HEATR9: variants seen among roughly 807,000 people sequenced by gnomAD.
HEATR9 encodes the protein HEAT repeat containing 9, also known as protein HEATR9.
A neutral mutation model predicts 68.2 loss-of-function variants in HEATR9; 54 were observed. The observed-to-expected ratio is 0.79, with a 90% CI of 0.64 to 0.99. The LOEUF (loss-of-function observed/expected upper bound fraction) is 0.99, where lower values mean the gene tolerates loss of function less well. HEATR9 is among the 50% of genes least tolerant of loss of function. The pLI, the probability that HEATR9 is intolerant of heterozygous loss-of-function variation, is 0.00. For synonymous variants in HEATR9, 241 were observed against 253.5 expected (o/e 0.95, Z 0.47); for missense variants, 662 against 679.7 (o/e 0.97, Z 0.29).
Position 35,855,171 on chromosome 17 carries a change from A to G in HEATR9, c.1605T>C (p.Ala535=), listed in dbSNP as rs1360940649. 4.3e-6 allele frequency: 7 copies of G among 1,614,018 alleles called. No individual in the cohort carries two copies. In the East Asian group the frequency reaches 1.6e-4, roughly 36 times the overall value. Residue 535 remains alanine (A), a synonymous_variant, in exon 15 of 15, where the codon GCT becomes GCC. Transcript: ENST00000604834. ...ITKVGQKKTP[A]FPPCCSKPRK... is the part of the protein sequence containing the mutation. ...GTGGTTTCGAGCAGCACGGTGGGAAAGCAGGCGTTTTCTTTTGGCCTACTT... is the reference window on the plus strand; with the variant it reads ...GTGGTTTCGAGCAGCACGGTGGGAAGGCAGGCGTTTTCTTTTGGCCTACTT...
chr17:35,866,928 T>C (rs1370914062), intron 1 of HEATR9, among the ~76,000 whole-genome samples, 155 bp from the exon 2 acceptor site: 2 of 151,512 alleles, frequency 1.3e-5, no homozygotes, highest in Non-Finnish European at 2.9e-5. Flanking sequence ...GCCAACATGG[T>C]GAAACCCCAT....
chr17:35,859,252 A>G (rs191036359), intron 8 of HEATR9, among the ~76,000 whole-genome samples, 182 bp from the exon 9 acceptor site: 3 of 152,142 alleles, frequency 2.0e-5, no homozygotes, highest in Non-Finnish European at 2.9e-5. Flanking sequence ...CTCTATAACT[A>G]TCTCATGGAT....
chr17:35,858,838 C>G, intron 9 of HEATR9, 50 bp downstream of exon 9: 1 of 1,589,810 alleles, frequency 6.3e-7, no homozygotes, highest in Non-Finnish European at 8.6e-7. Context: ...ACACACAATT[C>G]AGCAGTGGCT....
chr17:35,859,201 T>C lies in HEATR9; in HGVS notation c.757-131A>G. The C allele has an allele frequency of 4.9e-6, 4 of 810,008 alleles. 1 individual carries two copies. The South Asian group carries it at 7.1e-5, about 14-fold the overall frequency. The allele number at this position is 810,008 out of a possible 1,614,324, so 50.2% of individuals were successfully genotyped here. On this transcript the variant is annotated intron_variant, in intron 8 of 14. Transcript: ENST00000604834. ...CAGATTATTTCAACCAATTAACTTA[T>C]TCTTGCTGTCACCTACTTGCTTCTA... is the stretch of plus-strand genomic sequence containing the variant.
At chr17:35,868,028 G>A (rs980773175) in intron 1 of HEATR9, among the ~76,000 whole-genome samples, 2 of 152,136 alleles carry the variant, frequency 1.3e-5, no homozygotes, top group East Asian at 1.9e-4. Context: ...TGATCCGCCC[G>A]CTTTGGCCTC....
intron 7 of HEATR9, 148 bp from the exon 8 acceptor site, chr17:35,863,273 G>A (rs1002076576): frequency 2.5e-5 from 29 of 1,152,858 alleles, no homozygotes; most frequent in Non-Finnish European, 3.4e-5. Context: ...TACCAGGGCA[G>A]CTGGCTGAAT....
rs943341170 is a variant in HEATR9 at position 35,861,164 on chromosome 17, G to A, written c.756+1831C>T. On this transcript the variant is annotated intron_variant, in intron 8 of 14. Coordinates refer to ENST00000604834, the MANE Select transcript of HEATR9 (RefSeq NM_152781.4). ...TTCCCTTTGCCTGCAAGAGGGGCTC[G>A]GATAAGATGGATGTTTTGCTTGACT... The A allele has an allele frequency of 3.3e-5, 52 of 1,587,834 alleles. 1 individual carries two copies. Among genetic ancestry groups the A allele is most frequent in the East Asian group, 2.9e-4 (13 of 44,762 alleles).
chr17:35,861,045 C>CA (rs370812471), intron 8 of HEATR9: 29,257 of 570,780 alleles, frequency 0.051, no homozygotes, highest in East Asian at 0.071. Context: ...GATTCGGTCT[C>CA]AAAAAAAAAA....
intron 8 of HEATR9, 148 bp downstream of exon 8, chr17:35,862,847 A>T (rs2088044772): frequency 8.7e-7 from 1 of 1,143,192 alleles, no homozygotes; most frequent in Non-Finnish European, 1.2e-6. Flanking sequence ...ATATGCTTCT[A>T]TTCAACTCCC....
rs2088088215 is a variant in HEATR9 at position 35,863,745 on chromosome 17, T to C, written c.568-186A>G. ...ATGGAAGGAACAATACAGTTGGGAG[T>C]TAGATGTTTGTTCAAATCTCTATCT... On this transcript the variant is annotated intron_variant, in intron 6 of 14. Transcript: ENST00000604834. 7.7e-6 allele frequency: 5 copies of C among 649,558 alleles called. No individual in the cohort carries two copies. The East Asian group carries it at 1.4e-4, about 18-fold the overall frequency. 40.2% of individuals were successfully genotyped at this position (649,558 alleles called of 1,614,324 possible).
chr17:35,857,468 T>C (rs754803042), intron 11 of HEATR9, among the ~76,000 whole-genome samples: 1 of 152,186 alleles, frequency 6.6e-6, no homozygotes, highest in East Asian at 1.9e-4. Flanking sequence ...TTTAGAAATA[T>C]AACACCTAGG....
chr17:35,866,354 T>C (rs2088198750), intron 2 of HEATR9, among the ~76,000 whole-genome samples: 2 of 152,206 alleles, frequency 1.3e-5, no homozygotes, highest in Non-Finnish European at 2.9e-5. Flanking sequence ...CACCATTTGT[T>C]GTTTATCCAA....
chr17:35,863,086 T>G lies in HEATR9; in HGVS notation c.665A>C (p.Gln222Pro). 1.2e-6 allele frequency: 2 copies of G among 1,614,224 alleles called. No homozygotes were observed. Among genetic ancestry groups the G allele is most frequent in the Non-Finnish European group, 1.7e-6 (2 of 1,180,032 alleles). ...NKHVIRALIK[Q>P]LKEKNEGQRM... Reference sequence around the variant, plus strand: ...TTGACCCTCATTTTTCTCCTTCAGCTGTTTGATGAGAGCCCGGATCACATG... The same window carrying G: ...TTGACCCTCATTTTTCTCCTTCAGCGGTTTGATGAGAGCCCGGATCACATG... Residue 222 changes from glutamine to proline, a missense_variant, in exon 8 of 15, where the codon CAG becomes CCG. Gln to Pro is a moderately conservative substitution (Grantham distance 76). Coordinates refer to ENST00000604834, the MANE Select transcript of HEATR9 (RefSeq NM_152781.4).
At position 35,855,303 on chromosome 17, in the gene HEATR9, T is replaced by C; in HGVS notation, c.1473A>G (p.Ala491=). Residue 491 remains alanine (A), a synonymous_variant, in exon 15 of 15, where the codon GCA becomes GCG. Transcript: ENST00000604834. ...GCTCTTTCTGGAACCTTGTGGGCTC[T>C]GCCTTCACATTGGTCTTAGGTGCCT... ...VYEAPKTNVK[A]EPTRFQKEPE... The C allele has an allele frequency of 6.2e-7, 1 of 1,614,234 alleles. No individual in the cohort carries two copies. Among genetic ancestry groups the C allele is most frequent in the Non-Finnish European group, 8.5e-7 (1 of 1,180,016 alleles).
At chr17:35,866,600 A>G (rs1368133928) in intron 2 of HEATR9, 124 bp downstream of exon 2, 3 of 894,040 alleles carry the variant, frequency 3.4e-6, no homozygotes, top group Non-Finnish European at 5.5e-6. Context: ...TCAAGATCAC[A>G]GTTAATGGCA....
chr17:35,858,983 C>T lies in HEATR9; in HGVS notation c.844G>A (p.Ala282Thr), dbSNP rs748662497. 1.5e-5 allele frequency: 24 copies of T among 1,614,090 alleles called. No individual in the cohort carries two copies. The highest frequency in any genetic ancestry group is 1.9e-5 in the Non-Finnish European group (23 of 1,180,052). Residue 282 changes from alanine (A) to threonine (T), a missense_variant, in exon 9 of 15, where the codon GCC (alanine) becomes ACC (threonine). Ala to Thr is a moderately conservative substitution (Grantham distance 58). Coordinates refer to ENST00000604834, the MANE Select transcript of HEATR9 (RefSeq NM_152781.4). ...KSSSEASLEA[A>T]LCLGFLRPCS... ...GGCCTCAGGAAACCCAGGCACAGGG[C>T]TGCCTCCAGAGATGCTTCACTGGAC...
At chr17:35,863,601 T>A in intron 6 of HEATR9, 42 bp from the exon 7 acceptor site, 3 of 1,591,382 alleles carry the variant, frequency 1.9e-6, no homozygotes, top group Non-Finnish European at 2.6e-6. Flanking sequence ...AATAAGGTGA[T>A]GGAATGTCAG....
In HEATR9 at chr17:35,865,152, C is replaced by T. The variant is rs1232027862; in HGVS notation, c.320+63G>A. On this transcript the variant is annotated intron_variant, in intron 3 of 14. Transcript: ENST00000604834. Reference sequence around the variant, plus strand: ...TACTCCCTGGCCCACCCCTTCCTTGCCCTTCCTCACTTTCCTAGAAGATGT... The same window carrying T: ...TACTCCCTGGCCCACCCCTTCCTTGTCCTTCCTCACTTTCCTAGAAGATGT... The T allele has an allele frequency of 1.9e-6, 3 of 1,559,112 alleles. No homozygotes were observed. In the African/African-American group the frequency reaches 4.0e-5, roughly 21 times the overall value.
chr17:35,856,191 C>G lies in HEATR9; in HGVS notation c.1260G>C (p.Gln420His), dbSNP rs138721046. Residue 420 changes from glutamine (Q) to histidine (H), a missense_variant, in exon 13 of 15, where the codon CAG becomes CAC. Transcript: ENST00000604834. ...QLMNPDATAR[Q>H]EAVISLGVLG... ...GCCTTACCAAAGAGATGACTGCTTC[C>G]TGGCGTGCAGTGGCATCTGGGTTCA... 5.6e-5 allele frequency: 91 copies of G among 1,614,050 alleles called. No homozygotes were observed. The African/African-American group carries it at 1.1e-3, about 20-fold the overall frequency.
Sources: allele counts gnomAD v4.1 joint callset (sites outside exome capture counted in the v4.1 genomes callset), GRCh38; gene constraint gnomAD v4.1.1; transcripts MANE v1.5; gene names NCBI Gene and HGNC (gene_info 2026-07-23, HGNC 2026-07-21).